PCLO: variants seen among roughly 807,000 people sequenced by gnomAD.
PCLO encodes the protein protein piccolo.
PCLO carries 82 observed loss-of-function variants against 427.5 expected under a neutral mutation model. The ratio of observed to expected loss-of-function variants is 0.19; its 90% confidence interval spans 0.16 to 0.23. The LOEUF is 0.23. Ranked by LOEUF, PCLO falls within the 10% of genes least tolerant of loss-of-function variation. PCLO has a pLI of 1.00. For synonymous variants in PCLO, 2,357 were observed against 2,155.4 expected, an observed-to-expected ratio of 1.09 and a Z score of -2.59; for missense variants, 6,239 against 6,115.9, an observed-to-expected ratio of 1.02 and a Z score of -0.67.
chr7:83,140,209 G>A (rs1001168915), intron 2 of PCLO, among the ~76,000 whole-genome samples: 12 of 152,032 alleles, frequency 7.9e-5, no homozygotes, highest in African/African-American at 2.9e-4. Context: ...AGTGGGTCTG[G>A]ATTGCTTGTG....
chr7:83,099,301 A>G (rs1450783895), intron 3 of PCLO, among the ~76,000 whole-genome samples: 1 of 150,322 alleles, frequency 6.7e-6, no homozygotes, highest in East Asian at 1.9e-4. Flanking sequence ...AAGGATCAAA[A>G]CAAGGATTAT....
intron 3 of PCLO, among the ~76,000 whole-genome samples, chr7:83,021,991 G>A (rs541725324): frequency 2.0e-5 from 3 of 152,126 alleles, no homozygotes; most frequent in Non-Finnish European, 4.4e-5. Context: ...ATATGTTATG[G>A]TCTGAATGGT....
chr7:83,042,277 G>T (rs1477204223), intron 3 of PCLO, among the ~76,000 whole-genome samples: 2 of 152,040 alleles, frequency 1.3e-5, no homozygotes, highest in African/African-American at 2.4e-5. Flanking sequence ...AATCGCATTT[G>T]TATCTCTGCA....
At chr7:82,879,528 C>T (rs1562833459) in intron 9 of PCLO, 66 bp from the exon 10 acceptor site, 3 of 1,256,786 alleles carry the variant, frequency 2.4e-6, no homozygotes, top group Non-Finnish European at 2.2e-6. Flanking sequence ...TCACAAGTTA[C>T]AGAGAGCACA....
intron 7 of PCLO, among the ~76,000 whole-genome samples, chr7:82,912,238 C>G (rs1335133274): frequency 1.3e-5 from 2 of 151,736 alleles, no homozygotes; most frequent in African/African-American, 4.8e-5. Flanking sequence ...TTAAAAATTT[C>G]TAATACTTAA....
chr7:82,931,721 T>C (rs2116341237), intron 6 of PCLO, among the ~76,000 whole-genome samples: 1 of 152,178 alleles, frequency 6.6e-6, no homozygotes, highest in Non-Finnish European at 1.5e-5. Flanking sequence ...AGAAAAACAG[T>C]GCAAGCAAGA....
At chr7:83,099,637 G>A (rs6977681) in intron 3 of PCLO, among the ~76,000 whole-genome samples, 4 of 151,720 alleles carry the variant, frequency 2.6e-5, no homozygotes, top group African/African-American at 4.8e-5. Context: ...GTGATCCACC[G>A]GCCTCGGCCT....
intron 22 of PCLO, among the ~76,000 whole-genome samples, chr7:82,799,797 T>C (rs1251982673): frequency 3.9e-5 from 6 of 152,186 alleles, no homozygotes; most frequent in African/African-American, 1.2e-4. Flanking sequence ...AGCAGGCTTG[T>C]CCTGGTTTCG....
At chr7:82,822,892 C>G (rs774122893) in intron 19 of PCLO, among the ~76,000 whole-genome samples, 6 of 152,000 alleles carry the variant, frequency 3.9e-5, no homozygotes, top group Non-Finnish European at 7.4e-5. Flanking sequence ...AGGATGATAG[C>G]AATGAGAAGA....
chr7:83,015,596 C>A (rs1397254385), intron 3 of PCLO, among the ~76,000 whole-genome samples: 1 of 152,086 alleles, frequency 6.6e-6, no homozygotes, highest in African/African-American at 2.4e-5. Flanking sequence ...CCGATATAAA[C>A]AGATGGCATA....
At chr7:83,038,864 T>C (rs939372236) in intron 3 of PCLO, among the ~76,000 whole-genome samples, 7 of 152,010 alleles carry the variant, frequency 4.6e-5, no homozygotes, top group African/African-American at 1.4e-4. Context: ...TAGGGATGGG[T>C]TTGATTTCTC....
At chr7:82,921,571 T>C (rs887017026) in intron 6 of PCLO, among the ~76,000 whole-genome samples, 4 of 152,036 alleles carry the variant, frequency 2.6e-5, no homozygotes, top group African/African-American at 9.7e-5. Context: ...GACCCTTTCC[T>C]TATACCATAT....
chr7:82,797,895 A>G (rs1791261521), intron 22 of PCLO, among the ~76,000 whole-genome samples: 2 of 152,154 alleles, frequency 1.3e-5, no homozygotes, highest in Admixed American at 1.3e-4. Context: ...GTGGAAAATT[A>G]TTGTTTTTAA....
chr7:82,955,425 C>A lies in PCLO; in HGVS notation c.5528G>T (p.Arg1843Leu), dbSNP rs373397615. Reference protein sequence around the residue: ...IEDASPTEELRQAAEMEELHR... With the variant: ...IEDASPTEELLQAAEMEELHR... ...GAGCTCCTCCATTTCTGCAGCCTGA[C>A]GTAACTCTTCTGTCGGAGATGCATC... is the stretch of plus-strand genomic sequence containing the variant. The change falls in exon 5 of 25, where the codon CGT becomes CTT. Residue 1843 changes from arginine to leucine, a missense_variant. By Grantham distance (102) the Arg-to-Leu change is moderately radical (BLOSUM62 -2). This residue lies in a region of PCLO where 4,677 missense variants were observed against 4,468.4 expected (regional missense o/e 1.05). Coordinates refer to ENST00000333891, the MANE Select transcript of PCLO (RefSeq NM_033026.6). 1.9e-6 allele frequency: 3 copies of A among 1,613,798 alleles called. No homozygotes were observed. The highest frequency in any genetic ancestry group is 2.5e-6 in the Non-Finnish European group (3 of 1,179,810).
rs777506090 is a variant in PCLO at position 83,156,005 on chromosome 7, T to C, written c.636A>G (p.Gln212=). 3.7e-6 allele frequency: 6 copies of C among 1,613,500 alleles called. No individual in the cohort carries two copies. The highest frequency in any genetic ancestry group is 4.5e-5 in the East Asian group (2 of 44,872). The change falls in exon 2 of 25, where the codon CAA becomes CAG. Residue 212 remains glutamine, a synonymous_variant. Coordinates refer to ENST00000333891, the MANE Select transcript of PCLO (RefSeq NM_033026.6). ...TAGGAATCGGCTTGGGTGGCTGTTG[T>C]TGTAAAGGAGGTTTTATGATTCCTT... ...KPEGIIKPPL[Q]QQPPKPIPKQ...
At chr7:83,000,276 AGAGAGAG>A (rs1787786241) in intron 3 of PCLO, among the ~76,000 whole-genome samples, 1 of 17,872 alleles carries the variant, frequency 5.6e-5, no homozygotes. Context: ...GTTGAGAGAG[AGAGAGAG>A]AGAGAGAGAG....
At chr7:83,156,451 T>A (rs1194832612) in intron 1 of PCLO, 59 bp from the exon 2 acceptor site, 2 of 1,112,014 alleles carry the variant, frequency 1.8e-6, no homozygotes, top group Non-Finnish European at 2.5e-6. Context: ...TTATTTCAAA[T>A]CAAAGTAATA....
At chr7:82,873,162 G>T (rs1793279056) in intron 10 of PCLO, among the ~76,000 whole-genome samples, 1 of 145,296 alleles carries the variant, frequency 6.9e-6, no homozygotes, top group South Asian at 2.2e-4. Context: ...ATGGCTGTTT[G>T]CTATATTATT....
At chr7:82,943,045 T>G (rs1323607185) in intron 6 of PCLO, among the ~76,000 whole-genome samples, 4 of 152,222 alleles carry the variant, frequency 2.6e-5, no homozygotes, top group African/African-American at 4.8e-5. Context: ...ATCATTATAC[T>G]CTGGAAGAAT....
Sources: gnomAD v4.1 joint callset for allele counts (sites outside exome capture counted in the v4.1 genomes callset) on GRCh38, gnomAD v4.1.1 for gene constraint, gnomAD v4.1.1 regional missense constraint, MANE v1.5 for transcripts, NCBI Gene and HGNC (gene_info 2026-07-23, HGNC 2026-07-21) for gene names.